LRRC53: variants seen among roughly 807,000 people sequenced by gnomAD.
LRRC53 encodes the protein leucine rich repeat containing 53.
Under a neutral mutation model 13.6 loss-of-function variants are expected in LRRC53, and 25 were observed. That is an observed-to-expected ratio of 1.83 (90% confidence interval 1.34 to 2.56). The LOEUF is 2.56. LRRC53 is among the 30% of genes most tolerant of loss of function. The probability of loss-of-function intolerance (pLI) is 0.00; values close to 1 mark genes in which losing one functional copy is unlikely to be tolerated. For synonymous variants in LRRC53, 204 were observed against 109.8 expected, an observed-to-expected ratio of 1.86 and a Z score of -5.37; for missense variants, 527 against 275.8, an observed-to-expected ratio of 1.91 and a Z score of -6.45.
chr1:74,478,681 T>C (rs1668326533), intron 3 of LRRC53, among the ~76,000 whole-genome samples: 1 of 152,222 alleles, frequency 6.6e-6, no homozygotes, highest in Admixed American at 6.5e-5. Flanking sequence ...GCAGTGAGTA[T>C]ACCTGTTTCA....
chr1:74,535,901 A>G, the LRRC53 span, among the ~76,000 whole-genome samples: 1 of 152,166 alleles, frequency 6.6e-6, no homozygotes, highest in Non-Finnish European at 1.5e-5. Context: ...ACACTGTGCT[A>G]GAATCCAGCT....
the LRRC53 span, among the ~76,000 whole-genome samples, chr1:74,529,948 A>C: frequency 7.2e-5 from 11 of 152,078 alleles, no homozygotes; most frequent in South Asian, 2.1e-3. Context: ...GTTGAAGTTT[A>C]CCTGTACATG....
At position 74,471,158 on chromosome 1, in the gene LRRC53, T is replaced by A. The variant is rs999357296; in HGVS notation, c.2464A>T (p.Ile822Leu). Residue 822 changes from isoleucine to leucine, a missense_variant, in exon 5 of 5, where the codon ATA becomes TTA. By Grantham distance (5) the Ile-to-Leu change is conservative. Transcript: ENST00000294635. ...NNLRVVNQSS[I>L]ESSCYSAGHI... ...CCAGCTGAGTAACAGCTGCTTTCTA[T>A]AGAGCTCTGGTTGACTACACGCAAG... 2.5e-6 allele frequency: 1 copy of A among 400,614 alleles called. No homozygotes were observed. The highest frequency in any genetic ancestry group is 2.1e-5 in the African/African-American group (1 of 48,682). 24.8% of individuals were successfully genotyped at this position (400,614 alleles called of 1,614,324 possible).
chr1:74,475,147 C>T (rs1668129945), intron 4 of LRRC53, 148 bp downstream of exon 4: 2 of 548,162 alleles, frequency 3.6e-6, no homozygotes, highest in African/African-American at 1.9e-5. Context: ...CACACACACA[C>T]ACACACACAC....
At chr1:74,530,608 G>C in the LRRC53 span, among the ~76,000 whole-genome samples, 4 of 152,156 alleles carry the variant, frequency 2.6e-5, no homozygotes, top group East Asian at 3.8e-4. Flanking sequence ...TATGAACTGG[G>C]ATAGGTTATT....
At chr1:74,483,462 G>T in intron 1 of LRRC53, 87 bp from the exon 2 acceptor site, 1 of 614,260 alleles carries the variant, frequency 1.6e-6, no homozygotes, top group South Asian at 1.9e-5. Flanking sequence ...GAGGCATTTT[G>T]GTAATTTCTA....
chr1:74,536,134 G>C, the LRRC53 span, among the ~76,000 whole-genome samples: 2 of 152,096 alleles, frequency 1.3e-5, no homozygotes, highest in East Asian at 3.9e-4. Context: ...TCTTACTCCT[G>C]CTTTGGGGAG....
intron 3 of LRRC53, 116 bp from the exon 4 acceptor site, chr1:74,475,926 AG>A (rs1264383118): frequency 8.5e-6 from 4 of 467,904 alleles, no homozygotes; most frequent in Non-Finnish European, 1.5e-5. Context: ...CAGAATGGGT[AG>A]GAAGTCCTTC....
the LRRC53 span, among the ~76,000 whole-genome samples, chr1:74,528,322 G>A: frequency 6.6e-5 from 10 of 152,286 alleles, no homozygotes; most frequent in Admixed American, 6.5e-4. Flanking sequence ...TAGGGACATA[G>A]TACAGTGCTG....
intron 1 of LRRC53, among the ~76,000 whole-genome samples, chr1:74,505,879 G>A (rs1019100030): frequency 1.3e-5 from 2 of 152,174 alleles, no homozygotes; most frequent in African/African-American, 2.4e-5. Context: ...TTTTATTAAT[G>A]TGCAGATGTT....
chr1:74,531,737 T>G, the LRRC53 span, among the ~76,000 whole-genome samples: 1 of 152,224 alleles, frequency 6.6e-6, no homozygotes, highest in African/African-American at 2.4e-5. Flanking sequence ...TAAGTATTAT[T>G]GTATGTGTTT....
intron 1 of LRRC53, among the ~76,000 whole-genome samples, chr1:74,499,889 C>G (rs1200366038): frequency 1.3e-5 from 2 of 151,998 alleles, no homozygotes; most frequent in African/African-American, 4.8e-5. Context: ...ATAGTTACAT[C>G]CATTGTGACT....
At position 74,470,143 on chromosome 1, in the gene LRRC53, G is replaced by A; in HGVS notation, c.3479C>T (p.Pro1160Leu). 1 of 400,626 alleles carries A rather than the reference G, an allele frequency of 2.5e-6. No individual in the cohort carries two copies. The highest frequency in any genetic ancestry group is 4.4e-6 in the Non-Finnish European group (1 of 226,160). 24.8% of individuals were successfully genotyped at this position (400,626 alleles called of 1,614,324 possible). A position where few individuals can be genotyped will look rare whatever the true frequency, so the allele number is the denominator to read the frequency against. ...QNRILCSEVD[P>L]EVNSNVHNFR... Reference sequence around the variant, plus strand: ...ATTATGTACATTACTGTTAACTTCAGGATCTACTTCACTGCAAAGTATTCT... The same window carrying A: ...ATTATGTACATTACTGTTAACTTCAAGATCTACTTCACTGCAAAGTATTCT... Residue 1160 changes from proline (P) to leucine (L), a missense_variant, in exon 5 of 5, where the codon CCT (proline) becomes CTT (leucine). Pro to Leu is a moderately conservative substitution (Grantham distance 98, BLOSUM62 -3). Coordinates refer to ENST00000294635, the MANE Select transcript of LRRC53 (RefSeq NM_001382280.1).
intron 1 of LRRC53, chr1:74,489,197 CG>C: frequency 6.2e-7 from 1 of 1,610,284 alleles, no homozygotes; most frequent in Non-Finnish European, 8.5e-7. Context: ...AGGGAAGACC[CG>C]AATTTTCTGA....
chr1:74,481,796 C>T (rs1271891137), intron 2 of LRRC53, among the ~76,000 whole-genome samples: 1 of 152,096 alleles, frequency 6.6e-6, no homozygotes, highest in Admixed American at 6.5e-5. Context: ...CTTTATCATG[C>T]TAACATTGTT....
the LRRC53 span, among the ~76,000 whole-genome samples, chr1:74,531,766 T>C: frequency 6.6e-6 from 1 of 152,208 alleles, no homozygotes; most frequent in Admixed American, 6.5e-5. Context: ...GTATAAGAGA[T>C]AACTTCTAAG....
At chr1:74,497,278 A>C (rs1209028524) in intron 1 of LRRC53, among the ~76,000 whole-genome samples, 1 of 152,120 alleles carries the variant, frequency 6.6e-6, no homozygotes, top group Non-Finnish European at 1.5e-5. Flanking sequence ...GATGTTTACC[A>C]GATAACAGTG....
intron 1 of LRRC53, among the ~76,000 whole-genome samples, chr1:74,506,910 A>G (rs1408790356): frequency 2.0e-5 from 3 of 152,014 alleles, no homozygotes; most frequent in Non-Finnish European, 4.4e-5. Flanking sequence ...ATCTTAATTC[A>G]TTTACCACTT....
At chr1:74,511,878 A>G (rs566083149) in intron 1 of LRRC53, among the ~76,000 whole-genome samples, 1 of 152,306 alleles carries the variant, frequency 6.6e-6, no homozygotes, top group South Asian at 2.1e-4. Context: ...GGGAACCTGC[A>G]CAGTACATTT....
Sources: gnomAD v4.1 joint callset for allele counts (sites outside exome capture counted in the v4.1 genomes callset) on GRCh38, gnomAD v4.1.1 for gene constraint, MANE v1.5 for transcripts, NCBI Gene and HGNC (gene_info 2026-07-23, HGNC 2026-07-21) for gene names.